Variants in NRBP1 observed in about 807,000 individuals in gnomAD.
NRBP1 encodes nuclear receptor binding protein 1.
NRBP1 carries 10 observed loss-of-function variants against 76.0 expected under a neutral mutation model. That is an observed-to-expected ratio of 0.13 (90% confidence interval 0.08 to 0.22). NRBP1 has a LOEUF of 0.22. Ranked by LOEUF, NRBP1 falls within the 10% of genes least tolerant of loss-of-function variation. NRBP1 has a pLI of 1.00. For synonymous variants in NRBP1, 235 were observed against 240.2 expected, an observed-to-expected ratio of 0.98 and a Z score of 0.20; for missense variants, 344 against 646.0, an observed-to-expected ratio of 0.53 and a Z score of 5.07.
At position 27,441,810 on chromosome 2, in the gene NRBP1, T is replaced by C. The variant is rs1664584683; in HGVS notation, c.1606T>C (p.Ter536GlnextTer?). ...LNSAAVTVSS[*>Q] is the part of the protein sequence containing the mutation. ...CTCAGCCGCTGTCACCGTCTCCTCT[T>C]AGAGCTCACTCGGGCCAGGCCCTGA... The change falls in exon 18 of 18, where the codon TAG (stop) becomes CAG (glutamine). Residue 536 changes from the stop codon to glutamine (Q), a stop_lost. Coordinates refer to ENST00000379852, the MANE Select transcript of NRBP1 (RefSeq NM_013392.4). 6.2e-7 allele frequency: 1 copy of C among 1,604,030 alleles called. No individual in the cohort carries two copies. Among genetic ancestry groups the C allele is most frequent in the African/African-American group, 1.3e-5 (1 of 74,748 alleles).
At chr2:27,441,057 C>G in intron 14 of NRBP1, 70 bp from the exon 15 acceptor site, 1 of 1,608,196 alleles carries the variant, frequency 6.2e-7, no homozygotes, top group Non-Finnish European at 8.5e-7. Flanking sequence ...GCCCTATGGG[C>G]TCGAAAGACG....
chr2:27,437,128 G>A (rs1327598268), intron 9 of NRBP1, 23 bp downstream of exon 9: 3 of 1,609,890 alleles, frequency 1.9e-6, no homozygotes, highest in South Asian at 2.2e-5. Context: ...GAGGGGAGGG[G>A]GGAAAGGGGT....
intron 10 of NRBP1, among the ~76,000 whole-genome samples, chr2:27,438,593 A>T (rs1008033336): frequency 3.3e-5 from 5 of 152,204 alleles, no homozygotes; most frequent in Admixed American, 6.5e-5. Flanking sequence ...AAGATTAGGT[A>T]TGTGACCTTG....
intron 16 of NRBP1, 118 bp from the exon 17 acceptor site, chr2:27,441,449 C>G: frequency 1.4e-6 from 2 of 1,435,660 alleles, no homozygotes; most frequent in Non-Finnish European, 2.0e-6. Context: ...GAATGACTAT[C>G]TTAGACCCTA....
rs1408114018 is a variant in NRBP1, at chr2:27,441,761, T to C, written c.1557T>C (p.Asn519=). ...SLLEETLNKF[N]FARNSTLNSA... is the part of the protein sequence containing the mutation. ...TAGAAGAGACCTTGAACAAGTTCAA[T>C]TTTGCCAGGAACAGTACCCTCAACT... is the stretch of plus-strand genomic sequence containing the variant. Residue 519 remains asparagine, a synonymous_variant, in exon 18 of 18, where the codon AAT becomes AAC. Transcript: ENST00000379852. 3 of 1,613,848 alleles carry C rather than the reference T, an allele frequency of 1.9e-6. No homozygotes were observed. The highest frequency in any genetic ancestry group is 2.5e-6 in the Non-Finnish European group (3 of 1,179,956).
chr2:27,432,911 C>T (rs1290926966), intron 1 of NRBP1, among the ~76,000 whole-genome samples: 2 of 151,760 alleles, frequency 1.3e-5, no homozygotes, highest in Non-Finnish European at 2.9e-5. Flanking sequence ...TGGGGTCTTG[C>T]TCTGTCACCC....
intron 9 of NRBP1, 34 bp downstream of exon 9, chr2:27,437,139 C>T (rs1228419407): frequency 1.1e-5 from 18 of 1,602,932 alleles, no homozygotes; most frequent in Non-Finnish European, 1.5e-5. Context: ...GGAAAGGGGT[C>T]AGATGAGAAG....
intron 10 of NRBP1, among the ~76,000 whole-genome samples, chr2:27,437,732 G>C (rs1015481974): frequency 6.6e-6 from 1 of 151,890 alleles, no homozygotes; most frequent in African/African-American, 2.4e-5. Context: ...AATTAGCCAG[G>C]CTTGGTGGCG....
chr2:27,435,092 A>C lies in NRBP1; in HGVS notation c.567-41A>C, dbSNP rs767715496. The C allele has an allele frequency of 5.8e-6, 8 of 1,387,202 alleles. No homozygotes were observed. In the African/African-American group the frequency reaches 1.0e-4, roughly 17 times the overall value. The allele number at this position is 1,387,202 out of a possible 1,614,324, so 85.9% of individuals were successfully genotyped here. A position where few individuals can be genotyped will look rare whatever the true frequency, so the allele number is the denominator to read the frequency against. On this transcript the variant is annotated intron_variant, in intron 6 of 17. Transcript: ENST00000379852. ...TAACCCTTGGGTTCCCCCTGCCCTT[A>C]ATTTCCCAGTGGCCCCTCTAACAGC...
chr2:27,428,593 C>G (rs1202220469), upstream of NRBP1: 1 of 395,512 alleles, frequency 2.5e-6, no homozygotes, highest in African/African-American at 2.1e-5. Flanking sequence ...CACCGCCCAT[C>G]GTTGGTCCGG....
chr2:27,435,147 G>A lies in NRBP1; in HGVS notation c.581G>A (p.Cys194Tyr). ...TGCCCCCACAGCTACCTGCACTCCT[G>A]TGACCCCCCCATCATCCATGGGAAC... is the stretch of plus-strand genomic sequence containing the variant. ...ILSALSYLHS[C>Y]DPPIIHGNLT... Residue 194 changes from cysteine to tyrosine, a missense_variant, in exon 7 of 18, where the codon TGT becomes TAT. This residue lies in a region of NRBP1 where 73 missense variants were observed against 287.8 expected (regional missense o/e 0.25). Coordinates refer to ENST00000379852, the MANE Select transcript of NRBP1 (RefSeq NM_013392.4). 1 of 1,613,878 alleles carries A rather than the reference G, an allele frequency of 6.2e-7. No individual in the cohort carries two copies. The highest frequency in any genetic ancestry group is 1.1e-5 in the South Asian group (1 of 91,058).
At position 27,440,891 on chromosome 2, in the gene NRBP1, C is replaced by G. The variant is rs760459804; in HGVS notation, c.1280C>G (p.Pro427Arg). The G allele has an allele frequency of 6.2e-7, 1 of 1,614,088 alleles. No homozygotes were observed. Among genetic ancestry groups the G allele is most frequent in the Non-Finnish European group, 8.5e-7 (1 of 1,180,054 alleles). The change falls in exon 14 of 18, where the codon CCC (proline) becomes CGC (arginine). Residue 427 changes from proline (P) to arginine (R), a missense_variant. Pro to Arg is a moderately radical substitution (Grantham distance 103). This residue lies in a region of NRBP1 where 218 missense variants were observed against 309.8 expected (regional missense o/e 0.70). Transcript: ENST00000379852. The stretch of plus-strand genomic sequence containing the variant: ...GAGGTGACATCACCTGTCGTGCCCC[C>G]CTCTGTCAAGACTCCGACACCTGAA... ...QEEVTSPVVP[P>R]SVKTPTPEPA...
rs748764015 is a variant in NRBP1 at position 27,434,106 on chromosome 2, C to G, written c.435+16C>G. On this transcript the variant is annotated intron_variant, in intron 4 of 17. Transcript: ENST00000379852. ...CAAGGCCAGGGTAAGAATTTTTTCCCCATATTTCCTGAACTTATTGCAAAG... is the reference window on the plus strand; with the variant it reads ...CAAGGCCAGGGTAAGAATTTTTTCCGCATATTTCCTGAACTTATTGCAAAG... The G allele has an allele frequency of 6.3e-7, 1 of 1,582,448 alleles. No individual in the cohort carries two copies. Among genetic ancestry groups the G allele is most frequent in the Non-Finnish European group, 8.7e-7 (1 of 1,152,642 alleles).
In NRBP1 at chr2:27,441,887, C is replaced by G. The variant is rs1021238151; in HGVS notation, c.*75C>G. 2 of 875,632 alleles carry G rather than the reference C, an allele frequency of 2.3e-6. No homozygotes were observed. Among genetic ancestry groups the G allele is most frequent in the South Asian group, 3.0e-5 (2 of 65,842 alleles). 54.2% of individuals were successfully genotyped at this position (875,632 alleles called of 1,614,324 possible). A position where few individuals can be genotyped will look rare whatever the true frequency, so the allele number is the denominator to read the frequency against. ...GCTGCAGCCCTCCTGTCCCTTCCCCCCAGTCAGTATTACCCTGTGAAGCCC... is the reference window on the plus strand; with the variant it reads ...GCTGCAGCCCTCCTGTCCCTTCCCCGCAGTCAGTATTACCCTGTGAAGCCC... On this transcript the variant is annotated 3_prime_UTR_variant, in exon 18 of 18. Transcript: ENST00000379852.
chr2:27,441,474 TCTGA>T (rs1268168655), intron 16 of NRBP1, 89 bp from the exon 17 acceptor site: 9 of 1,483,410 alleles, frequency 6.1e-6, no homozygotes, highest in African/African-American at 2.8e-5. Context: ...AGTGGGTGGA[TCTGA>T]CTGACAGTTT....
At position 27,440,711 on chromosome 2, in the gene NRBP1, A is replaced by G. The variant is rs771780040; in HGVS notation, c.1193+9A>G. ...TTCCTTGAAGATGTCAGGTGAGAGC[A>G]GAGTGAGAAGCAGGCTTTCTTGAGG... On this transcript the variant is annotated intron_variant, in intron 13 of 17. Transcript: ENST00000379852. 4.3e-6 allele frequency: 7 copies of G among 1,614,058 alleles called. No individual in the cohort carries two copies. In the East Asian group the frequency reaches 1.6e-4, roughly 36 times the overall value.
In NRBP1 at chr2:27,441,123, C is replaced by T. The variant is rs765123290; in HGVS notation, c.1330-4C>T. 5.0e-6 allele frequency: 8 copies of T among 1,613,290 alleles called. No homozygotes were observed. Among genetic ancestry groups the T allele is most frequent in the Admixed American group, 1.7e-5 (1 of 60,020 alleles). On this transcript the variant is annotated splice_region_variant and splice_polypyrimidine_tract_variant and intron_variant, in intron 14 of 17. Transcript: ENST00000379852. ...TCTAGAGTGACCCTCTCTTCCCTCC[C>T]TAGGTGGTGCTGATGCAGTGCAACA...
chr2:27,439,377 C>T (rs756374880), intron 10 of NRBP1, among the ~76,000 whole-genome samples: 3 of 149,972 alleles, frequency 2.0e-5, no homozygotes, highest in East Asian at 2.0e-4. Flanking sequence ...CCCAGCTACT[C>T]GGGAGGCTGA....
At position 27,437,350 on chromosome 2, in the gene NRBP1, C is replaced by T; in HGVS notation, c.893C>T (p.Pro298Leu). Residue 298 changes from proline (P) to leucine (L), a missense_variant, in exon 10 of 18, where the codon CCA becomes CTA. Coordinates refer to ENST00000379852, the MANE Select transcript of NRBP1 (RefSeq NM_013392.4). ...AGTGCCATCCAGCTTCTAGAAGACC[C>T]ATTACAGAGGGTAAGGATCTTCAGG... The part of the protein sequence containing the change: ...ISSAIQLLED[P>L]LQREFIQKCL... The T allele has an allele frequency of 6.2e-7, 1 of 1,612,498 alleles. No homozygotes were observed. Among genetic ancestry groups the T allele is most frequent in the East Asian group, 2.2e-5 (1 of 44,886 alleles).
Sources: allele counts gnomAD v4.1 joint callset (sites outside exome capture counted in the v4.1 genomes callset), GRCh38; gene constraint gnomAD v4.1.1; regional missense constraint gnomAD v4.1.1; transcripts MANE v1.5; gene names NCBI Gene and HGNC (gene_info 2026-07-23, HGNC 2026-07-21).